The following MAGI2 variants were observed in gnomAD, a reference collection of about 807,000 sequenced individuals.
MAGI2 encodes membrane-associated guanylate kinase, WW and PDZ domain-containing protein 2.
A neutral mutation model predicts 133.3 loss-of-function variants in MAGI2; 35 were observed. The ratio of observed to expected loss-of-function variants is 0.26; its 90% confidence interval spans 0.20 to 0.35. The LOEUF (loss-of-function observed/expected upper bound fraction) is 0.35, where lower values mean the gene tolerates loss of function less well. Ranked by LOEUF, MAGI2 falls within the 10% of genes least tolerant of loss-of-function variation. The pLI is 1.00. For synonymous variants in MAGI2, 729 were observed against 710.6 expected (o/e 1.03, Z -0.41); for missense variants, 1,636 against 1,863.4 (o/e 0.88, Z 2.25).
intron 6 of MAGI2, among the ~76,000 whole-genome samples, chr7:78,381,147 G>C (rs1295580500): frequency 6.6e-6 from 1 of 152,128 alleles, no homozygotes; most frequent in Non-Finnish European, 1.5e-5. Context: ...AGGAGTTTGA[G>C]ACCAGCCTGG....
At chr7:79,144,946 T>C in intron 1 of MAGI2, among the ~76,000 whole-genome samples, 1 of 152,228 alleles carries the variant, frequency 6.6e-6, no homozygotes, top group Admixed American at 6.5e-5. Flanking sequence ...GCTCCAACTG[T>C]GGCTCTGCAC....
intron 1 of MAGI2, among the ~76,000 whole-genome samples, chr7:79,421,557 G>A (rs1846961376): frequency 6.6e-6 from 1 of 151,798 alleles, no homozygotes; most frequent in African/African-American, 2.4e-5. Flanking sequence ...TATCTGACAG[G>A]AGCATTTATT....
chr7:79,339,938 G>T (rs1172400934), intron 1 of MAGI2, among the ~76,000 whole-genome samples: 1 of 152,064 alleles, frequency 6.6e-6, no homozygotes, highest in African/African-American at 2.4e-5. Context: ...GATGCGTTTC[G>T]TATCAATTTG....
chr7:79,235,702 C>T (rs1038216980), intron 1 of MAGI2, among the ~76,000 whole-genome samples: 5 of 152,192 alleles, frequency 3.3e-5, no homozygotes, highest in African/African-American at 1.2e-4. Flanking sequence ...CTGGCACTCC[C>T]TAGTGAGATG....
At chr7:78,341,691 A>C (rs1790393414) in intron 9 of MAGI2, among the ~76,000 whole-genome samples, 1 of 152,142 alleles carries the variant, frequency 6.6e-6, no homozygotes, top group African/African-American at 2.4e-5. Flanking sequence ...ACAAACCTGA[A>C]GAAAACAAGC....
chr7:78,600,573 C>T (rs954999019), intron 3 of MAGI2, among the ~76,000 whole-genome samples: 1 of 151,988 alleles, frequency 6.6e-6, no homozygotes, highest in Admixed American at 6.6e-5. Context: ...TGTGGCAATA[C>T]ATAATTAGAA....
chr7:78,019,005 TA>T lies in MAGI2; in HGVS notation c.*309del, dbSNP rs1214310981. On this transcript the variant is annotated 3_prime_UTR_variant, in exon 22 of 22. Coordinates refer to ENST00000354212, the MANE Select transcript of MAGI2 (RefSeq NM_012301.4). ...AAGTCCTTCATGCAGTGGGGAGGAATATTTTTTTTTCTTAAACTAAAGCTAC... is the reference window on the plus strand; with the variant it reads ...AAGTCCTTCATGCAGTGGGGAGGAATTTTTTTTTTCTTAAACTAAAGCTAC... 2.5e-5 allele frequency: 10 copies of T among 400,410 alleles called. No individual in the cohort carries two copies. Among genetic ancestry groups the T allele is most frequent in the South Asian group, 1.2e-4 (1 of 8,568 alleles). The allele number at this position is 400,410 out of a possible 1,614,324, so 24.8% of individuals were successfully genotyped here. A position where few individuals can be genotyped will look rare whatever the true frequency, so the allele number is the denominator to read the frequency against.
At chr7:79,052,621 C>T (rs958566537) in intron 1 of MAGI2, among the ~76,000 whole-genome samples, 2 of 152,004 alleles carry the variant, frequency 1.3e-5, no homozygotes, top group African/African-American at 2.4e-5. Context: ...ACTATGATTC[C>T]GTGTGTTTAA....
At chr7:78,038,709 G>A (rs1375914115) in intron 21 of MAGI2, among the ~76,000 whole-genome samples, 1 of 152,198 alleles carries the variant, frequency 6.6e-6, no homozygotes, top group African/African-American at 2.4e-5. Context: ...AACTGTGGGA[G>A]GCAGGTGAAC....
intron 3 of MAGI2, among the ~76,000 whole-genome samples, chr7:78,566,543 A>AAAAC (rs1554478017): frequency 6.6e-6 from 1 of 151,824 alleles, no homozygotes; most frequent in African/African-American, 2.4e-5. Flanking sequence ...TAAAAAAAAA[A>AAAAC]AAAAAAACAG....
chr7:78,224,760 AACAG>A (rs146320521), intron 10 of MAGI2, among the ~76,000 whole-genome samples: 12,325 of 151,568 alleles, frequency 0.081, 663 homozygotes, highest in Non-Finnish European at 0.12. Flanking sequence ...TCAGGTAAAT[AACAG>A]ACAGTTTTCC....
chr7:78,739,578 C>T (rs902840533), intron 2 of MAGI2, among the ~76,000 whole-genome samples: 6 of 152,076 alleles, frequency 3.9e-5, no homozygotes, highest in African/African-American at 1.4e-4. Flanking sequence ...AAAATCACTA[C>T]CTCTAACAAA....
At chr7:78,329,958 A>G (rs1230452796) in intron 9 of MAGI2, among the ~76,000 whole-genome samples, 4 of 152,180 alleles carry the variant, frequency 2.6e-5, no homozygotes, top group Non-Finnish European at 4.4e-5. Flanking sequence ...AATGATTTAA[A>G]GAAGCAAGAG....
At chr7:78,831,055 A>T (rs1791102720) in intron 2 of MAGI2, among the ~76,000 whole-genome samples, 1 of 142,496 alleles carries the variant, frequency 7.0e-6, no homozygotes, top group Non-Finnish European at 1.5e-5. Flanking sequence ...GGAAGTAGAA[A>T]CTTGCATTTC....
intron 2 of MAGI2, among the ~76,000 whole-genome samples, chr7:78,821,455 C>T (rs1328916307): frequency 1.3e-5 from 2 of 151,836 alleles, no homozygotes; most frequent in Non-Finnish European, 2.9e-5. Context: ...GAATGAGGGG[C>T]TATTTTAGAA....
intron 6 of MAGI2, among the ~76,000 whole-genome samples, chr7:78,377,688 C>T (rs1794575328): frequency 6.6e-6 from 1 of 151,454 alleles, no homozygotes; most frequent in African/African-American, 2.4e-5. Flanking sequence ...AAAAAGGCAT[C>T]CACTGAGGAA....
At chr7:78,891,382 G>A (rs1584299593) in intron 2 of MAGI2, among the ~76,000 whole-genome samples, 1 of 152,212 alleles carries the variant, frequency 6.6e-6, no homozygotes, top group East Asian at 1.9e-4. Context: ...ATTTTTTGAG[G>A]CCAGCATCAT....
intron 2 of MAGI2, among the ~76,000 whole-genome samples, chr7:78,681,545 CA>C (rs1482750790): frequency 7.2e-5 from 11 of 152,076 alleles, no homozygotes; most frequent in Non-Finnish European, 1.5e-4. Flanking sequence ...AGATTAGAAC[CA>C]ATAGAACCAA....
chr7:79,452,075 G>A (rs1849305227), intron 1 of MAGI2, among the ~76,000 whole-genome samples: 1 of 151,456 alleles, frequency 6.6e-6, no homozygotes, highest in African/African-American at 2.4e-5. Flanking sequence ...TGGAGCTGAG[G>A]GAGCCTGGGC....
Sources: gnomAD v4.1 joint callset for allele counts (sites outside exome capture counted in the v4.1 genomes callset) on GRCh38, gnomAD v4.1.1 for gene constraint, MANE v1.5 for transcripts, NCBI Gene and HGNC (gene_info 2026-07-23, HGNC 2026-07-21) for gene names.